The following SLC25A48 variants were observed in gnomAD, a reference collection of about 807,000 sequenced individuals.
SLC25A48 encodes the protein CTC-321K16.1.
A neutral mutation model predicts 32.2 loss-of-function variants in SLC25A48; 29 were observed. The observed-to-expected ratio is 0.90, with a 90% CI of 0.67 to 1.23. The LOEUF is 1.23. Ranked by LOEUF, SLC25A48 falls within the 50% of genes most tolerant of loss-of-function variation. The probability of loss-of-function intolerance (pLI) is 0.00; values close to 1 mark genes in which losing one functional copy is unlikely to be tolerated. For missense variants in SLC25A48, 399 were observed against 422.7 expected (o/e 0.94, Z 0.49); for synonymous variants, 164 against 172.3 (o/e 0.95, Z 0.38).
intron 3 of SLC25A48, chr5:135,650,567 A>AACC (rs1554118879): frequency 6.4e-6 from 2 of 314,650 alleles, no homozygotes; most frequent in East Asian, 2.2e-4. Flanking sequence ...ACTAAAAAAA[A>AACC]AACAACAACA....
intron 1 of SLC25A48, among the ~76,000 whole-genome samples, chr5:135,611,523 AAAAAGAAAAAG>A (rs1752067806): frequency 1.4e-5 from 2 of 139,466 alleles, no homozygotes; most frequent in African/African-American, 2.8e-5. Context: ...AAAAAAAAAA[AAAAAGAAAAAG>A]AAAAGAAAAG....
upstream of SLC25A48, among the ~76,000 whole-genome samples, chr5:135,832,777 G>A (rs977939925): frequency 2.0e-5 from 3 of 152,212 alleles, no homozygotes; most frequent in Admixed American, 2.0e-4. Flanking sequence ...TAGCCCATCT[G>A]CATGTCCTGC....
rs202001446 is a variant in SLC25A48, at chr5:135,888,073, C to T, written c.*49C>T. On this transcript the variant is annotated 3_prime_UTR_variant, in exon 8 of 8. Transcript: ENST00000681962. ...GACTACAGTGTTCCCTGGGCCTCAT[C>T]TCTGCATGTGAAGCCCTGAGAGCTG... is the stretch of plus-strand genomic sequence containing the variant. 1,680 of 1,551,742 alleles carry T rather than the reference C, an allele frequency of 1.1e-3. 4 individuals are homozygous for T. Among genetic ancestry groups the T allele is most frequent in the Non-Finnish European group, 1.3e-3 (1,528 of 1,146,878 alleles).
At chr5:135,885,432 C>A (rs572549211) in intron 7 of SLC25A48, among the ~76,000 whole-genome samples, 1 of 152,312 alleles carries the variant, frequency 6.6e-6, no homozygotes, top group East Asian at 1.9e-4. Context: ...TCACCAGGAA[C>A]AGGAATGCTC....
At chr5:135,632,093 G>A (rs2126908331) in intron 2 of SLC25A48, among the ~76,000 whole-genome samples, 1 of 152,336 alleles carries the variant, frequency 6.6e-6, no homozygotes. Flanking sequence ...AACACATGTG[G>A]CCTGATTGTC....
At chr5:135,601,445 C>T (rs1751793775) in intron 1 of SLC25A48, among the ~76,000 whole-genome samples, 1 of 152,168 alleles carries the variant, frequency 6.6e-6, no homozygotes, top group Non-Finnish European at 1.5e-5. Flanking sequence ...TGGGAACCTT[C>T]CAGGGAAATA....
Position 135,879,787 on chromosome 5 carries a change from C to T in SLC25A48, c.814-181C>T, listed in dbSNP as rs113831046. On this transcript the variant is annotated intron_variant, in intron 6 of 7. Transcript: ENST00000681962. ...AGGAAAAGCACCACCAGGCATGACG[C>T]GGGTCAGGGCAGGGCATGACTGGGA... Among the ~76,000 whole-genome samples, 128 of 152,308 alleles carry T rather than the reference C, an allele frequency of 8.4e-4. 1 individual carries two copies. Among genetic ancestry groups the T allele is most frequent in the African/African-American group, 2.7e-3 (114 of 41,562 alleles).
chr5:135,632,860 T>C (rs1317943903), intron 2 of SLC25A48, among the ~76,000 whole-genome samples: 1 of 152,192 alleles, frequency 6.6e-6, no homozygotes, highest in Non-Finnish European at 1.5e-5. Flanking sequence ...TGTTGAGGTA[T>C]TGATAGGCTG....
rs34299516 is a variant in SLC25A48, at chr5:135,646,659, T to TTATATATATATATA, written c.-521+11710_-521+11723dup. On this transcript the variant is annotated intron_variant, in intron 3 of 10. Transcript: ENST00000646290. ...TACGCATTTATAATATAATTTCCCA[T>TTATATATATATATA]TATATATATATATATATATACAATG... Among the ~76,000 whole-genome samples the TTATATATATATATA allele has an allele frequency of 7.7e-3, 966 of 125,338 alleles. 31 individuals carry two copies. The highest frequency in any genetic ancestry group is 0.014 in the East Asian group (50 of 3,634). 82.2% of individuals were successfully genotyped at this position (125,338 alleles called of 152,430 possible).
chr5:135,802,157 C>T (rs1323092106), intron 3 of SLC25A48, among the ~76,000 whole-genome samples: 1 of 144,644 alleles, frequency 6.9e-6, no homozygotes, highest in Non-Finnish European at 1.6e-5. Context: ...CTCCTAATAT[C>T]ACAGTGGGTT....
chr5:135,802,713 C>A (rs1051595621), intron 3 of SLC25A48, among the ~76,000 whole-genome samples: 2 of 151,112 alleles, frequency 1.3e-5, no homozygotes, highest in Non-Finnish European at 3.0e-5. Context: ...AATCTGTGTA[C>A]ATTCAGTGAA....
intron 3 of SLC25A48, among the ~76,000 whole-genome samples, chr5:135,690,944 A>ATT (rs5871573): frequency 0.26 from 38,208 of 149,306 alleles, 4,952 homozygotes; most frequent in Middle Eastern, 0.33. Flanking sequence ...CAGGGAAGGC[A>ATT]TTTTTTTTTT....
At chr5:135,595,416 G>A (rs17168712) in intron 1 of SLC25A48, among the ~76,000 whole-genome samples, 22,943 of 152,072 alleles carry the variant, frequency 0.15, 1,886 homozygotes, top group East Asian at 0.3. Flanking sequence ...GACAGGCACC[G>A]CCAACCAGGA....
chr5:135,583,927 C>G (rs1421664824), intron 1 of SLC25A48, among the ~76,000 whole-genome samples: 1 of 152,228 alleles, frequency 6.6e-6, no homozygotes, highest in Non-Finnish European at 1.5e-5. Flanking sequence ...CTGACCCCTT[C>G]CCTGGCCATG....
At chr5:135,628,601 G>C (rs1196576212) in intron 1 of SLC25A48, among the ~76,000 whole-genome samples, 1 of 152,176 alleles carries the variant, frequency 6.6e-6, no homozygotes. Flanking sequence ...CCAAAGGGAG[G>C]TGACGTTGGG....
At chr5:135,708,794 A>T (rs1754583492) in intron 3 of SLC25A48, among the ~76,000 whole-genome samples, 1 of 152,216 alleles carries the variant, frequency 6.6e-6, no homozygotes, top group Non-Finnish European at 1.5e-5. Flanking sequence ...TGGTGGAAGA[A>T]CACATTTGAG....
At chr5:135,851,324 C>T (rs974279255) in intron 3 of SLC25A48, among the ~76,000 whole-genome samples, 3 of 152,128 alleles carry the variant, frequency 2.0e-5, no homozygotes, top group Non-Finnish European at 2.9e-5. Flanking sequence ...TTGGGGCGAG[C>T]GCTGCAAGCC....
chr5:135,879,981 G>A lies in SLC25A48; in HGVS notation c.827G>A (p.Gly276Asp), dbSNP rs1189467001. The A allele has an allele frequency of 4.6e-6, 7 of 1,536,258 alleles. No individual in the cohort carries two copies. The African/African-American group carries it at 5.5e-5, about 12-fold the overall frequency. ...QKEGLKVFFR[G>D]ITVNAVRGFP... ...CCCTGTGCAAAGGTGTTTTTCAGAG[G>A]CATCACTGTGAACGCGGTGCGGGGC... Residue 276 changes from glycine (G) to aspartate (D), a missense_variant, in exon 7 of 8, where the codon GGC becomes GAC. Gly to Asp is a moderately conservative substitution (Grantham distance 94). Transcript: ENST00000681962.
chr5:135,655,159 A>C (rs1753213087), intron 3 of SLC25A48, among the ~76,000 whole-genome samples: 1 of 152,140 alleles, frequency 6.6e-6, no homozygotes, highest in South Asian at 2.1e-4. Context: ...ATGAAAATTG[A>C]GGGGGAGTGC....
Sources: allele counts gnomAD v4.1 joint callset (sites outside exome capture counted in the v4.1 genomes callset), GRCh38; gene constraint gnomAD v4.1.1; transcripts MANE v1.5; gene names NCBI Gene and HGNC (gene_info 2026-07-23, HGNC 2026-07-21).